The following KIAA0586 variants were observed in gnomAD, a reference collection of about 807,000 sequenced individuals.
The protein encoded by KIAA0586 is KIAA0586, also known as protein TALPID3.
In KIAA0586, 144 loss-of-function variants were observed where a neutral mutation model predicts 169.8. The observed-to-expected ratio is 0.85, with a 90% confidence interval of 0.74 to 0.97. The LOEUF (loss-of-function observed/expected upper bound fraction) is 0.97. Among genes scored for constraint, KIAA0586 ranks in the 50% least tolerant of loss-of-function variants. KIAA0586 has a pLI of 0.00. For missense variants in KIAA0586, 1,854 were observed against 1,823.0 expected (o/e 1.02, Z -0.31); for synonymous variants, 625 against 612.4 (o/e 1.02, Z -0.30).
At chr14:58,476,632 G>T (rs1402544341) in intron 19 of KIAA0586, among the ~76,000 whole-genome samples, 1 of 147,416 alleles carries the variant, frequency 6.8e-6, no homozygotes, top group Admixed American at 6.7e-5. Context: ...CCCACAAGGA[G>T]ATTCTGTTTA....
chr14:58,465,992 A>G lies in KIAA0586; in HGVS notation c.2217A>G (p.Thr739=). 5.0e-6 allele frequency: 8 copies of G among 1,612,658 alleles called. No homozygotes were observed. Among genetic ancestry groups the G allele is most frequent in the Non-Finnish European group, 6.8e-6 (8 of 1,179,380 alleles). ...PSREMPTFSG[T]LEGHLIPMAI... ...GAGAAATGCCTACTTTTTCAGGTACATTGGAAGGTCATCTGATTCCTATGG... is the reference window on the plus strand; with the variant it reads ...GAGAAATGCCTACTTTTTCAGGTACGTTGGAAGGTCATCTGATTCCTATGG... The change falls in exon 15 of 31, where the codon ACA becomes ACG. Residue 739 remains threonine, a synonymous_variant. Transcript: ENST00000652326.
chr14:58,462,894 G>C (rs1307927803), intron 14 of KIAA0586, among the ~76,000 whole-genome samples: 1 of 152,130 alleles, frequency 6.6e-6, no homozygotes, highest in South Asian at 2.1e-4. Flanking sequence ...TAAAGCATCA[G>C]ATCTCATGAG....
chr14:58,528,188 G>A (rs150080754), intron 29 of KIAA0586, among the ~76,000 whole-genome samples: 60 of 152,198 alleles, frequency 3.9e-4, no homozygotes, highest in South Asian at 1.9e-3. Context: ...ATACAGGAGC[G>A]TCCAGATTCA....
At chr14:58,557,899 A>ATTTTTTTTTTTTTTTTTTT in the KIAA0586 span, among the ~76,000 whole-genome samples, 2 of 46,610 alleles carry the variant, frequency 4.3e-5, no homozygotes, top group African/African-American at 2.0e-4. Context: ...ATCCTGAGAA[A>ATTTTTTTTTTTTTTTTTTT]TCTTTTTTTT....
intron 8 of KIAA0586, among the ~76,000 whole-genome samples, chr14:58,452,007 C>G (rs1277594673): frequency 6.6e-6 from 1 of 152,076 alleles, no homozygotes; most frequent in East Asian, 1.9e-4. Flanking sequence ...TAACACAGAG[C>G]AAGAACTTTT....
Position 58,442,728 on chromosome 14 carries a change from A to G in KIAA0586, c.433A>G (p.Lys145Glu), listed in dbSNP as rs779348770. 2 of 1,575,658 alleles carry G rather than the reference A, an allele frequency of 1.3e-6. No individual in the cohort carries two copies. The highest frequency in any genetic ancestry group is 4.6e-5 in the East Asian group (2 of 43,588). The change falls in exon 5 of 31, where the codon AAG becomes GAG. Residue 145 changes from lysine (K) to glutamate (E), a missense_variant. Lys to Glu is a moderately conservative substitution (Grantham distance 56). Transcript: ENST00000652326. ...TAGAGCTCAAAGCATGCCTGTTTTT[A>G]AGGAAGTAAAGGTACATCTGTTAGA... ...KQKAQSMPVFKEVKVHLLEDA... is the reference protein window; with the variant it reads ...KQKAQSMPVFEEVKVHLLEDA...
the KIAA0586 span, among the ~76,000 whole-genome samples, chr14:58,559,979 C>T: frequency 1.3e-5 from 2 of 151,992 alleles, no homozygotes; most frequent in African/African-American, 2.4e-5. Flanking sequence ...GGTGAAACCC[C>T]GTCTCTACTA....
At chr14:58,557,901 C>CTTTTTTTTTTTTTTTTTTTTT in the KIAA0586 span, among the ~76,000 whole-genome samples, 42 of 42,508 alleles carry the variant, frequency 9.9e-4, 9 homozygotes, top group African/African-American at 1.7e-3. Flanking sequence ...CCTGAGAAAT[C>CTTTTTTTTTTTTTTTTTTTTT]TTTTTTTTTT....
intron 29 of KIAA0586, among the ~76,000 whole-genome samples, chr14:58,524,881 A>G (rs1478405775): frequency 2.6e-5 from 4 of 152,096 alleles, no homozygotes; most frequent in Non-Finnish European, 5.9e-5. Context: ...ACACCCAGCT[A>G]TTTTTAGTAG....
chr14:58,512,378 G>A (rs2044452577), intron 28 of KIAA0586, 144 bp from the exon 29 acceptor site: 2 of 528,822 alleles, frequency 3.8e-6, no homozygotes, highest in Non-Finnish European at 6.6e-6. Flanking sequence ...ATTGGTAGAA[G>A]TGCGAATAAA....
rs549777488 is a variant in KIAA0586 at position 58,505,580 on chromosome 14, G to A, written c.4169-2975G>A. Among the ~76,000 whole-genome samples the A allele has an allele frequency of 7.2e-5, 11 of 152,114 alleles. No individual in the cohort carries two copies. The East Asian group carries it at 7.7e-4, about 11-fold the overall frequency. ...AAGTTTAAACCAATTTATTTTTATC[G>A]GCAATTTATTAGTGCCCTTTCCTTA... On this transcript the variant is annotated intron_variant, in intron 27 of 30. Coordinates refer to ENST00000652326, the MANE Select transcript of KIAA0586 (RefSeq NM_001329943.3).
In KIAA0586 at chr14:58,445,529, A is replaced by G. The variant is rs376696139; in HGVS notation, c.807+1354A>G. Among the ~76,000 whole-genome samples the G allele has an allele frequency of 5.3e-5, 8 of 149,704 alleles. No individual in the cohort carries two copies. In the East Asian group the frequency reaches 9.9e-4, roughly 19 times the overall value. ...GCTCACTGCAACCTCCACCTCCCAGATTCAAGTGATTTTCATGCTTCAGCT... is the reference window on the plus strand; with the variant it reads ...GCTCACTGCAACCTCCACCTCCCAGGTTCAAGTGATTTTCATGCTTCAGCT... On this transcript the variant is annotated intron_variant, in intron 6 of 30. Transcript: ENST00000652326.
downstream of KIAA0586, among the ~76,000 whole-genome samples, chr14:58,555,099 CTT>C (rs35845234): frequency 6.9e-4 from 71 of 102,568 alleles, 1 homozygote; most frequent in African/African-American, 2.4e-3. Flanking sequence ...TTCTTTCTTT[CTT>C]TTTTTTTTTT....
At chr14:58,540,868 T>A (rs2046599629) in intron 30 of KIAA0586, among the ~76,000 whole-genome samples, 1 of 152,234 alleles carries the variant, frequency 6.6e-6, no homozygotes, top group South Asian at 2.1e-4. Flanking sequence ...CTTCATCAAG[T>A]CTTTCATTTA....
intron 14 of KIAA0586, among the ~76,000 whole-genome samples, chr14:58,464,575 A>G (rs189835991): frequency 6.6e-6 from 1 of 152,308 alleles, no homozygotes; most frequent in Non-Finnish European, 1.5e-5. Flanking sequence ...CTCCAAAGAG[A>G]CATAAAGTCA....
chr14:58,450,591 A>T lies in KIAA0586; in HGVS notation c.974A>T (p.Glu325Val), dbSNP rs144456198. 2.7e-3 allele frequency: 4,278 copies of T among 1,602,056 alleles called. 13 individuals are homozygous for T. Among genetic ancestry groups the T allele is most frequent in the Admixed American group, 4.4e-3 (251 of 56,434 alleles). ...TTTTCTGTTAAAGCACCTTTAAAAG[A>T]AGTTGAAGATACGAGTTTTGATAAA... ...TFASKQAPLK[E>V]VEDTSFDKQK... The change falls in exon 8 of 31, where the codon GAA becomes GTA. Residue 325 changes from glutamate (E) to valine (V), a missense_variant. By Grantham distance (121) the Glu-to-Val change is moderately radical (BLOSUM62 -2). Coordinates refer to ENST00000652326, the MANE Select transcript of KIAA0586 (RefSeq NM_001329943.3).
At chr14:58,482,000 G>A (rs1003557712) in intron 20 of KIAA0586, among the ~76,000 whole-genome samples, 4 of 151,754 alleles carry the variant, frequency 2.6e-5, no homozygotes. Context: ...TTTTAGTAGA[G>A]ACGGGGTTTC....
Position 58,457,775 on chromosome 14 carries a change from G to C in KIAA0586, c.1379G>C (p.Ser460Thr). Residue 460 changes from serine (S) to threonine (T), a missense_variant, in exon 11 of 31, where the codon AGT becomes ACT. Transcript: ENST00000652326. ...NSMVQPKESL[S>T]MLKLPDLPQN... ...TCTTTTAAGCCAAAAGAATCTCTGA[G>C]TATGTTGAAGCTTCCAGATCTTCCA... 6.3e-7 allele frequency: 1 copy of C among 1,594,396 alleles called. No homozygotes were observed. Among genetic ancestry groups the C allele is most frequent in the South Asian group, 1.1e-5 (1 of 87,168 alleles).
At chr14:58,499,989 A>G (rs1461041239) in intron 27 of KIAA0586, among the ~76,000 whole-genome samples, 2 of 152,262 alleles carry the variant, frequency 1.3e-5, no homozygotes, top group South Asian at 2.1e-4. Context: ...GAATTTCAGT[A>G]GCACTCTGCA....
Sources: gnomAD v4.1 joint callset for allele counts (sites outside exome capture counted in the v4.1 genomes callset) on GRCh38, gnomAD v4.1.1 for gene constraint, MANE v1.5 for transcripts, NCBI Gene and HGNC (gene_info 2026-07-23, HGNC 2026-07-21) for gene names.